RNH1: variants seen among roughly 807,000 people sequenced by gnomAD.
The protein encoded by RNH1 is ribonuclease/angiogenin inhibitor 1.
A neutral mutation model predicts 46.1 loss-of-function variants in RNH1; 38 were observed. That is an observed-to-expected ratio of 0.82 (90% CI 0.64 to 1.08). The LOEUF is 1.08. Among genes scored for constraint, RNH1 ranks in the 50% least tolerant of loss-of-function variants. The probability of loss-of-function intolerance (pLI) is 0.00; values close to 1 mark genes in which losing one functional copy is unlikely to be tolerated. For missense variants in RNH1, 577 were observed against 590.7 expected (o/e 0.98, Z 0.24); for synonymous variants, 319 against 279.1 (o/e 1.14, Z -1.43).
intron 3 of RNH1, 129 bp from the exon 4 acceptor site, chr11:500,783 T>G (rs1849681840): frequency 9.9e-7 from 1 of 1,013,036 alleles, no homozygotes; most frequent in African/African-American, 1.6e-5. Context: ...ACACAAGACA[T>G]TTCAGAAATG....
Position 499,136 on chromosome 11 carries a change from C to A in RNH1, c.493G>T (p.Val165Leu), listed in dbSNP as rs150077141. 1 of 1,613,204 alleles carries A rather than the reference C, an allele frequency of 6.2e-7. No individual in the cohort carries two copies. Among genetic ancestry groups the A allele is most frequent in the East Asian group, 2.2e-5 (1 of 44,858 alleles). ...TTGAAGTCCGGCTTGGCCCTGAGCA[C>A]GGAGGCCAGGGGCTCGCAGCTGGCA... Reference protein sequence around the residue: ...SAASCEPLASVLRAKPDFKEL... With the variant: ...SAASCEPLASLLRAKPDFKEL... The change falls in exon 6 of 11, where the codon GTG becomes TTG. Residue 165 changes from valine to leucine, a missense_variant. Val to Leu is a conservative substitution (Grantham distance 32). Coordinates refer to ENST00000354420, the MANE Select transcript of RNH1 (RefSeq NM_203387.3).
intron 1 of RNH1, chr11:506,383 C>CAGTA (rs2133939600): frequency 6.6e-6 from 1 of 152,360 alleles, no homozygotes; most frequent in East Asian, 1.9e-4. Flanking sequence ...GAACCTCGCC[C>CAGTA]AGTAACACGA....
chr11:502,128 C>T lies in RNH1; in HGVS notation c.35G>A (p.Cys12Tyr), dbSNP rs1469750132. ...SLDIQSLDIQ[C>Y]EELSDARWAE... ...CCATCTAGCGTCGCTCAGCTCCTCA[C>T]ACTGGATGTCCAGGCTCTGGATGTC... Residue 12 changes from cysteine to tyrosine, a missense_variant, in exon 3 of 11, where the codon TGT (cysteine) becomes TAT (tyrosine). Coordinates refer to ENST00000354420, the MANE Select transcript of RNH1 (RefSeq NM_203387.3). The surrounding 1 kb of genome is among the most constrained non-coding windows in gnomAD (Gnocchi z 5.8). 6.2e-7 allele frequency: 1 copy of T among 1,610,704 alleles called. No homozygotes were observed. Among genetic ancestry groups the T allele is most frequent in the African/African-American group, 1.3e-5 (1 of 74,818 alleles).
chr11:494,893 C>A lies in RNH1; in HGVS notation c.1288G>T (p.Glu430Ter). 6.2e-7 allele frequency: 1 copy of A among 1,612,004 alleles called. No homozygotes were observed. Among genetic ancestry groups the A allele is most frequent in the Non-Finnish European group, 8.5e-7 (1 of 1,179,392 alleles). Residue 430 changes from glutamate (E) to a stop codon, truncating the protein, a stop_gained, in exon 10 of 11, where the codon GAG becomes TAG. Coordinates refer to ENST00000354420, the MANE Select transcript of RNH1 (RefSeq NM_203387.3). LOFTEE classifies it low-confidence loss of function (END_TRUNC). ...ESVRQPGCLLEQLVLYDIYWS... is the reference protein window; with the variant it reads ...ESVRQPGCLL The stretch of plus-strand genomic sequence containing the variant: ...AGCGCGTGCACATACACCAGCTGCT[C>A]CAGGAGGCAGCCCGGCTGCCGGACG...
chr11:497,857 CACAT>C (rs200121975), intron 9 of RNH1, 110 bp downstream of exon 9: 163 of 1,291,598 alleles, frequency 1.3e-4, no homozygotes, highest in Non-Finnish European at 1.5e-4. Context: ...CATGTGTGCT[CACAT>C]ACACACGGAC....
chr11:494,631 G>C lies in RNH1; in HGVS notation c.*60C>G, dbSNP rs1277075868. The C allele has an allele frequency of 7.6e-6, 11 of 1,455,486 alleles. No homozygotes were observed. Among genetic ancestry groups the C allele is most frequent in the Non-Finnish European group, 1.1e-5 (11 of 1,040,220 alleles). The allele number at this position is 1,455,486 out of a possible 1,614,324, so 90.2% of individuals were successfully genotyped here. A position where few individuals can be genotyped will look rare whatever the true frequency, so the allele number is the denominator to read the frequency against. ...GCAGGGTGAGAGCATGGCAGGGGCTGGTGGGCCCCAGGGTTGCCTCGAGGC... is the reference window on the plus strand; with the variant it reads ...GCAGGGTGAGAGCATGGCAGGGGCTCGTGGGCCCCAGGGTTGCCTCGAGGC... On this transcript the variant is annotated 3_prime_UTR_variant, in exon 11 of 11. Transcript: ENST00000354420.
intron 1 of RNH1, 176 bp from the exon 2 acceptor site, chr11:505,172 G>GT (rs1431847465): frequency 6.6e-6 from 1 of 152,166 alleles, no homozygotes; most frequent in Non-Finnish European, 1.5e-5. Flanking sequence ...CCTGAGGGCT[G>GT]TGTCACCGGC....
rs1429507278 is a variant in RNH1 at position 507,121 on chromosome 11, G to C, written c.-269C>G. The C allele has an allele frequency of 6.6e-6, 1 of 152,312 alleles. No homozygotes were observed. Among genetic ancestry groups the C allele is most frequent in the Non-Finnish European group, 1.5e-5 (1 of 68,112 alleles). The allele number at this position is 152,312 out of a possible 1,614,324, so 9.4% of individuals were successfully genotyped here. A position where few individuals can be genotyped will look rare whatever the true frequency, so the allele number is the denominator to read the frequency against. On this transcript the variant is annotated 5_prime_UTR_variant, in exon 1 of 11. Coordinates refer to ENST00000354420, the MANE Select transcript of RNH1 (RefSeq NM_203387.3). The stretch of plus-strand genomic sequence containing the variant: ...CCGCTGGAGCTACTGACCTCGGGAC[G>C]ACTGGCGGACGGTCGCGGGCCTGGA...
rs1371779320 is a variant in RNH1, at chr11:507,122, A to G, written c.-270T>C. 6.6e-6 allele frequency: 1 copy of G among 152,210 alleles called. No homozygotes were observed. The highest frequency in any genetic ancestry group is 1.5e-5 in the Non-Finnish European group (1 of 68,092). 9.4% of individuals were successfully genotyped at this position (152,210 alleles called of 1,614,324 possible). A position where few individuals can be genotyped will look rare whatever the true frequency, so the allele number is the denominator to read the frequency against. ...CGCTGGAGCTACTGACCTCGGGACG[A>G]CTGGCGGACGGTCGCGGGCCTGGAG... On this transcript the variant is annotated 5_prime_UTR_variant, in exon 1 of 11. Coordinates refer to ENST00000354420, the MANE Select transcript of RNH1 (RefSeq NM_203387.3).
chr11:500,744 A>C (rs556587971), intron 3 of RNH1, 90 bp from the exon 4 acceptor site: 2 of 1,372,228 alleles, frequency 1.5e-6, no homozygotes, highest in East Asian at 4.8e-5. Context: ...ACAACCTATC[A>C]GTGGGCCCAG....
At chr11:495,599 A>G (rs968611654) in intron 9 of RNH1, among the ~76,000 whole-genome samples, 1 of 152,158 alleles carries the variant, frequency 6.6e-6, no homozygotes, top group South Asian at 2.1e-4. Context: ...GTTGCACTGG[A>G]CCTCTCCAAG....
chr11:495,200 TC>T, intron 9 of RNH1, 147 bp from the exon 10 acceptor site: 1 of 805,254 alleles, frequency 1.2e-6, no homozygotes, highest in South Asian at 1.7e-5. Context: ...AGGCTCACCG[TC>T]CCTGTGGCCC....
In RNH1 at chr11:498,493, G is replaced by C; in HGVS notation, c.920C>G (p.Thr307Ser). ...CAGCTGGCAGCCAGGTTCCAGCAGGGTCTCACACAGCAGTCGGGCACCCTC... is the reference window on the plus strand; with the variant it reads ...CAGCTGGCAGCCAGGTTCCAGCAGGCTCTCACACAGCAGTCGGGCACCCTC... ...GDEGARLLCE[T>S]LLEPGCQLES... is the part of the protein sequence containing the mutation. The change falls in exon 8 of 11, where the codon ACC (threonine) becomes AGC (serine). Residue 307 changes from threonine (T) to serine (S), a missense_variant. Physicochemically the swap from Thr to Ser is moderately conservative, Grantham distance 58. Transcript: ENST00000354420. 6.2e-7 allele frequency: 1 copy of C among 1,613,116 alleles called. No individual in the cohort carries two copies. Among genetic ancestry groups the C allele is most frequent in the Non-Finnish European group, 8.5e-7 (1 of 1,179,956 alleles).
intron 9 of RNH1, among the ~76,000 whole-genome samples, chr11:497,362 C>G (rs1271892837): frequency 2.7e-5 from 4 of 148,972 alleles, no homozygotes; most frequent in Non-Finnish European, 5.9e-5. Context: ...GACACTCATG[C>G]TCACTCACCC....
At chr11:504,315 C>CTGGA (rs1850045330) in intron 2 of RNH1, 1 of 152,232 alleles carries the variant, frequency 6.6e-6, no homozygotes, top group Admixed American at 6.5e-5. Flanking sequence ...CCTGCTAGTT[C>CTGGA]TGGACACCCT....
chr11:500,155 G>A (rs768118839), intron 4 of RNH1, 156 bp from the exon 5 acceptor site: 5 of 871,206 alleles, frequency 5.7e-6, no homozygotes, highest in South Asian at 1.8e-5. Context: ...TCTCCAGGCC[G>A]AGTGAAGGAG....
At chr11:498,713 C>T (rs1456559013) in intron 7 of RNH1, 50 bp downstream of exon 7, 26 of 1,589,912 alleles carry the variant, frequency 1.6e-5, no homozygotes, top group South Asian at 4.5e-5. Context: ...GCTCTGAGGA[C>T]GGCCCGCCGC....
chr11:497,930 G>A, intron 9 of RNH1, 41 bp downstream of exon 9: 1 of 1,588,130 alleles, frequency 6.3e-7, no homozygotes, highest in Non-Finnish European at 8.6e-7. Context: ...ACGGGCATAT[G>A]ATCTCCCAAA....
chr11:495,811 C>G (rs953313874), intron 9 of RNH1, among the ~76,000 whole-genome samples: 7 of 152,178 alleles, frequency 4.6e-5, no homozygotes, highest in Non-Finnish European at 7.3e-5. Flanking sequence ...ACTCGGCCTG[C>G]AGGGCTCACT....
Sources: gnomAD v4.1 joint callset for allele counts (sites outside exome capture counted in the v4.1 genomes callset) on GRCh38, gnomAD v4.1.1 for gene constraint, Gnocchi (gnomAD v3.1) non-coding constraint, MANE v1.5 for transcripts, NCBI Gene and HGNC (gene_info 2026-07-23, HGNC 2026-07-21) for gene names.